Variants in ATP8A1 observed in about 807,000 individuals in gnomAD.
The protein encoded by ATP8A1 is phospholipid-transporting ATPase IA.
In ATP8A1, 90 loss-of-function variants were observed where a neutral mutation model predicts 177.7. The observed-to-expected ratio is 0.51, with a 90% CI of 0.43 to 0.60. The LOEUF (loss-of-function observed/expected upper bound fraction) is 0.60. Among genes scored for constraint, ATP8A1 ranks in the 20% least tolerant of loss-of-function variants. The probability of loss-of-function intolerance (pLI) is 0.00; values close to 1 mark genes in which losing one functional copy is unlikely to be tolerated. For synonymous variants in ATP8A1, 493 were observed against 485.9 expected (o/e 1.01, Z -0.19); for missense variants, 1,072 against 1,392.8 (o/e 0.77, Z 3.67).
In ATP8A1 at chr4:42,456,585, A is replaced by G. The variant is rs145338232; in HGVS notation, c.2620-986T>C. Among the ~76,000 whole-genome samples, 574 of 152,322 alleles carry G rather than the reference A, an allele frequency of 3.8e-3. 3 individuals carry two copies. The highest frequency in any genetic ancestry group is 0.013 in the African/African-American group (549 of 41,580). On this transcript the variant is annotated intron_variant, in intron 27 of 36. Transcript: ENST00000381668. ...CATGTTTAAAACATAAGAAAAATTAAAGTGACAATTAGTAAACAATAGTAC... is the reference window on the plus strand; with the variant it reads ...CATGTTTAAAACATAAGAAAAATTAGAGTGACAATTAGTAAACAATAGTAC...
Position 42,543,961 on chromosome 4 carries a change from CA to C in ATP8A1, c.1677del (p.Ile559MetfsTer19). The part of the protein sequence containing the change: ...FTSARKRMSV[I>X]VRTPSGKLRL... The stretch of plus-strand genomic sequence containing the variant: ...CGTAACTTTCCAGATGGAGTGCGAA[CA>C]ATCACTGACATTCTTTTCCTAGCAC... On this transcript the variant is annotated frameshift_variant, in exon 20 of 37. Transcript: ENST00000381668. LOFTEE classifies it high-confidence loss of function. 6.2e-7 allele frequency: 1 copy of C among 1,613,238 alleles called. No individual in the cohort carries two copies. Among genetic ancestry groups the C allele is most frequent in the Non-Finnish European group, 8.5e-7 (1 of 1,179,642 alleles).
chr4:42,645,012 T>C, intron 1 of ATP8A1, among the ~76,000 whole-genome samples: 1 of 152,140 alleles, frequency 6.6e-6, no homozygotes, highest in South Asian at 2.1e-4. Flanking sequence ...AACTAATTAC[T>C]ACAACATACT....
chr4:42,636,093 T>G, intron 1 of ATP8A1, among the ~76,000 whole-genome samples: 1 of 121,902 alleles, frequency 8.2e-6, no homozygotes, highest in Non-Finnish European at 1.8e-5. Context: ...AAGGGGGAGT[T>G]CTCCAAAGGA....
intron 25 of ATP8A1, among the ~76,000 whole-genome samples, chr4:42,479,388 AAAGG>A (rs775527785): frequency 6.6e-6 from 1 of 152,222 alleles, no homozygotes; most frequent in Admixed American, 6.5e-5. Flanking sequence ...CGTTTACTGA[AAAGG>A]AAGTAATCAC....
At chr4:42,502,507 G>A (rs1172615327) in intron 24 of ATP8A1, among the ~76,000 whole-genome samples, 3 of 152,134 alleles carry the variant, frequency 2.0e-5, no homozygotes, top group Admixed American at 6.5e-5. Flanking sequence ...CATACGCTAC[G>A]GAAGGTAAAT....
intron 17 of ATP8A1, among the ~76,000 whole-genome samples, chr4:42,552,140 C>T (rs948877742): frequency 6.6e-6 from 1 of 152,062 alleles, no homozygotes. Flanking sequence ...TATATTCAGG[C>T]GAACACTTCT....
chr4:42,575,867 G>T (rs1009527969), intron 12 of ATP8A1, among the ~76,000 whole-genome samples, 168 bp from the exon 13 acceptor site: 3 of 152,152 alleles, frequency 2.0e-5, no homozygotes, highest in African/African-American at 4.8e-5. Context: ...CGATTTTTCT[G>T]AAAAGTATTC....
At chr4:42,603,966 TAAATC>T (rs999443059) in intron 5 of ATP8A1, among the ~76,000 whole-genome samples, 15 of 152,182 alleles carry the variant, frequency 9.9e-5, no homozygotes, top group Non-Finnish European at 2.1e-4. Flanking sequence ...GCTCAAAAAA[TAAATC>T]AAAACATCTA....
intron 16 of ATP8A1, among the ~76,000 whole-genome samples, chr4:42,555,144 ATCTATCTATCT>A (rs1560454800): frequency 5.8e-4 from 33 of 57,268 alleles, no homozygotes; most frequent in South Asian, 3.6e-3. Flanking sequence ...TATCTAATCT[ATCTATCTATCT>A]ATCTATCTAT....
chr4:42,570,168 C>T (rs1434854566), intron 14 of ATP8A1, among the ~76,000 whole-genome samples: 1 of 152,198 alleles, frequency 6.6e-6, no homozygotes, highest in Non-Finnish European at 1.5e-5. Flanking sequence ...TCCAAGGCAC[C>T]TCTTCCACTA....
Position 42,408,415 on chromosome 4 carries a change from A to T in ATP8A1, c.*4501T>A, listed in dbSNP as rs1712222527. ...GTTTATTTCATTTTTAATAACAATT[A>T]GAGGACAAAATGTTTAAAATTTGCA... is the stretch of plus-strand genomic sequence containing the variant. On this transcript the variant is annotated 3_prime_UTR_variant, in exon 37 of 37. Transcript: ENST00000381668. 6.6e-6 allele frequency: 1 copy of T among 152,202 alleles called. No individual in the cohort carries two copies. Among genetic ancestry groups the T allele is most frequent in the African/African-American group, 2.4e-5 (1 of 41,466 alleles). The allele number at this position is 152,202 out of a possible 1,614,324, so 9.4% of individuals were successfully genotyped here.
At position 42,507,102 on chromosome 4, in the gene ATP8A1, A is replaced by T. The variant is rs1275885406; in HGVS notation, c.2000T>A (p.Val667Glu). Residue 667 changes from valine to glutamate, a missense_variant, in exon 23 of 37, where the codon GTG (valine) becomes GAG (glutamate). Transcript: ENST00000381668. Reference sequence around the variant, plus strand: ...CATTAGCGTTTCTATGGTTTCAGGCACTTGATCTTGTAATTTATCCTCAAT... The same window carrying T: ...CATTAGCGTTTCTATGGTTTCAGGCTCTTGATCTTGTAATTTATCCTCAAT... ...TAIEDKLQDQ[V>E]PETIETLMKA... The T allele has an allele frequency of 6.2e-7, 1 of 1,614,034 alleles. No individual in the cohort carries two copies. The highest frequency in any genetic ancestry group is 8.5e-7 in the Non-Finnish European group (1 of 1,179,934).
At chr4:42,529,219 C>T (rs141261494) in intron 20 of ATP8A1, among the ~76,000 whole-genome samples, 325 of 152,192 alleles carry the variant, frequency 2.1e-3, no homozygotes, top group African/African-American at 7.1e-3. Flanking sequence ...CAGTGGCAGA[C>T]GGGGATGCTG....
chr4:42,624,659 G>T, intron 3 of ATP8A1, 25 bp from the exon 4 acceptor site: 1 of 1,128,616 alleles, frequency 8.9e-7, no homozygotes. Flanking sequence ...AAAAAAAAGA[G>T]AAATCCAATG....
chr4:42,435,398 C>T (rs1482678548), intron 33 of ATP8A1, among the ~76,000 whole-genome samples: 1 of 137,460 alleles, frequency 7.3e-6, no homozygotes, highest in African/African-American at 2.7e-5. Context: ...TGTACTCCAG[C>T]CTGGGGGACA....
intron 24 of ATP8A1, among the ~76,000 whole-genome samples, chr4:42,486,370 G>T (rs897537737): frequency 6.6e-6 from 1 of 152,150 alleles, no homozygotes; most frequent in Admixed American, 6.5e-5. Flanking sequence ...GCATGTCGGG[G>T]CAAATATTTA....
At position 42,443,570 on chromosome 4, in the gene ATP8A1, CT is replaced by C; in HGVS notation, c.3117del (p.Gly1040GlufsTer64). 7.8e-7 allele frequency: 1 copy of C among 1,283,832 alleles called. No homozygotes were observed. Among genetic ancestry groups the C allele is most frequent in the Non-Finnish European group, 1.1e-6 (1 of 878,580 alleles). 79.5% of individuals were successfully genotyped at this position (1,283,832 alleles called of 1,614,324 possible). A position where few individuals can be genotyped will look rare whatever the true frequency, so the allele number is the denominator to read the frequency against. ...GAGTTATTAGCGCACATTACCTCTC[CT>C]GACATATCAGGGGCCATCGGAATGG... is the stretch of plus-strand genomic sequence containing the variant. ...WPAIPMAPDM[S>X]GEAAMLFSSG... On this transcript the variant is annotated frameshift_variant, in exon 33 of 37. Coordinates refer to ENST00000381668, the MANE Select transcript of ATP8A1 (RefSeq NM_006095.2). LOFTEE classifies it high-confidence loss of function.
intron 24 of ATP8A1, among the ~76,000 whole-genome samples, chr4:42,501,755 T>C (rs1723876299): frequency 6.6e-6 from 1 of 152,158 alleles, no homozygotes; most frequent in Admixed American, 6.5e-5. Context: ...CTACGCGAAG[T>C]GATGTTTCCT....
At position 42,522,061 on chromosome 4, in the gene ATP8A1, T is replaced by G. The variant is rs377601411; in HGVS notation, c.1947+99A>C. 1.6e-4 allele frequency: 212 copies of G among 1,352,726 alleles called. 2 individuals are homozygous for G. The South Asian group carries it at 1.9e-3, about 12-fold the overall frequency. 83.8% of individuals were successfully genotyped at this position (1,352,726 alleles called of 1,614,324 possible). A position where few individuals can be genotyped will look rare whatever the true frequency, so the allele number is the denominator to read the frequency against. The stretch of plus-strand genomic sequence containing the variant: ...AGGGTATTCAATAGTGAATGGTATG[T>G]CAAGATATTTTGATTTTTATTCCAT... On this transcript the variant is annotated intron_variant, in intron 22 of 36. Transcript: ENST00000381668.
Sources: allele counts gnomAD v4.1 joint callset (sites outside exome capture counted in the v4.1 genomes callset), GRCh38; gene constraint gnomAD v4.1.1; transcripts MANE v1.5; gene names NCBI Gene and HGNC (gene_info 2026-07-23, HGNC 2026-07-21).